The following TMEM74 variants were observed in gnomAD, a reference collection of about 807,000 sequenced individuals.
TMEM74 encodes the protein transmembrane protein 74.
TMEM74 carries 13 observed loss-of-function variants against 18.1 expected under a neutral mutation model. The ratio of observed to expected loss-of-function variants is 0.72; its 90% confidence interval spans 0.47 to 1.14. TMEM74 has a LOEUF of 1.14. Among genes scored for constraint, TMEM74 ranks in the 50% most tolerant of loss-of-function variants. The probability of loss-of-function intolerance (pLI) is 0.00; values close to 1 mark genes in which losing one functional copy is unlikely to be tolerated. For synonymous variants in TMEM74, 159 were observed against 146.6 expected, an observed-to-expected ratio of 1.08 and a Z score of -0.61; for missense variants, 372 against 375.9, an observed-to-expected ratio of 0.99 and a Z score of 0.09.
At chr8:108,666,360 G>C (rs1160212346) in intron 1 of TMEM74, among the ~76,000 whole-genome samples, 1 of 152,120 alleles carries the variant, frequency 6.6e-6, no homozygotes, top group African/African-American at 2.4e-5. Flanking sequence ...TGCACGTGTT[G>C]GCAATAATTC....
chr8:108,714,860 A>T (rs1015877446), intron 1 of TMEM74, among the ~76,000 whole-genome samples: 12 of 152,178 alleles, frequency 7.9e-5, no homozygotes, highest in Non-Finnish European at 1.5e-4. Context: ...AAAGATCAAA[A>T]TCATGTCCTT....
chr8:108,718,954 A>G (rs1219002316), intron 1 of TMEM74, among the ~76,000 whole-genome samples: 1 of 121,378 alleles, frequency 8.2e-6, no homozygotes, highest in African/African-American at 3.2e-5. Flanking sequence ...TAGCTAGTTA[A>G]TAACATTTTG....
intron 1 of TMEM74, among the ~76,000 whole-genome samples, chr8:108,670,922 A>G (rs1333928641): frequency 6.6e-6 from 1 of 152,208 alleles, no homozygotes; most frequent in Non-Finnish European, 1.5e-5. Context: ...TCCAAGAATG[A>G]CCAATTGTGC....
At chr8:108,720,462 G>A (rs958686879) in intron 1 of TMEM74, among the ~76,000 whole-genome samples, 4 of 152,122 alleles carry the variant, frequency 2.6e-5, no homozygotes, top group Admixed American at 2.0e-4. Flanking sequence ...GTTATTCACT[G>A]GCGTGCCTTT....
chr8:108,733,029 C>T (rs1333281556), intron 1 of TMEM74, among the ~76,000 whole-genome samples: 1 of 152,112 alleles, frequency 6.6e-6, no homozygotes, highest in Non-Finnish European at 1.5e-5. Flanking sequence ...TGTGGAGCAT[C>T]TGGAACTTCC....
chr8:108,665,608 A>G (rs1026046021), intron 1 of TMEM74, among the ~76,000 whole-genome samples: 1 of 152,202 alleles, frequency 6.6e-6, no homozygotes, highest in African/African-American at 2.4e-5. Flanking sequence ...AAAGAATGGT[A>G]AATGGAGATG....
intron 1 of TMEM74, among the ~76,000 whole-genome samples, chr8:108,746,353 G>A (rs1382284314): frequency 2.6e-5 from 4 of 151,976 alleles, no homozygotes; most frequent in East Asian, 1.9e-4. Flanking sequence ...CCTAGGCAAT[G>A]CAGACACCCC....
chr8:108,686,896 A>G (rs551942322), intron 1 of TMEM74, among the ~76,000 whole-genome samples: 4 of 152,330 alleles, frequency 2.6e-5, no homozygotes, highest in Non-Finnish European at 5.9e-5. Flanking sequence ...CACTCCCATA[A>G]GGAAGTTGTT....
At chr8:108,638,087 A>C (rs1238009196) in intron 2 of TMEM74, among the ~76,000 whole-genome samples, 1 of 152,146 alleles carries the variant, frequency 6.6e-6, no homozygotes, top group Admixed American at 6.6e-5. Flanking sequence ...TTCACATTTC[A>C]TACTTGGGTG....
intron 1 of TMEM74, among the ~76,000 whole-genome samples, chr8:108,756,599 A>AAAGAAAGAGAAAGGGAGG (rs1586286218): frequency 4.1e-4 from 21 of 51,544 alleles, no homozygotes; most frequent in East Asian, 1.2e-3. Flanking sequence ...AAAGAAAGAG[A>AAAGAAAGAGAAAGGGAGG]AAGGAAGGAA....
intron 1 of TMEM74, among the ~76,000 whole-genome samples, chr8:108,737,275 T>C (rs975692401): frequency 6.6e-6 from 1 of 152,180 alleles, no homozygotes; most frequent in Non-Finnish European, 1.5e-5. Context: ...GGACGTAATA[T>C]GTATAAAGTG....
rs1359403395 is a variant in TMEM74, at chr8:108,780,543, G to T, written c.*3638C>A. Among the ~76,000 whole-genome samples, 1 of 152,188 alleles carries T rather than the reference G, an allele frequency of 6.6e-6. No individual in the cohort carries two copies. Among genetic ancestry groups the T allele is most frequent in the East Asian group, 1.9e-4 (1 of 5,194 alleles). On this transcript the variant is annotated 3_prime_UTR_variant, in exon 2 of 2. Transcript: ENST00000297459. ...CTGAGGTAAAGGCACACATAAGTTTGGCAGCGCAGTCTCTTTTCAGAAATT... is the reference window on the plus strand; with the variant it reads ...CTGAGGTAAAGGCACACATAAGTTTTGCAGCGCAGTCTCTTTTCAGAAATT...
intron 1 of TMEM74, among the ~76,000 whole-genome samples, chr8:108,726,600 A>T (rs761182547): frequency 6.6e-6 from 1 of 152,168 alleles, no homozygotes; most frequent in Non-Finnish European, 1.5e-5. Context: ...CACGAATCTT[A>T]TCAGTATATT....
chr8:108,641,196 G>A (rs1812662051), intron 2 of TMEM74, among the ~76,000 whole-genome samples: 1 of 152,106 alleles, frequency 6.6e-6, no homozygotes, highest in Non-Finnish European at 1.5e-5. Context: ...TTTGAAGTTG[G>A]CAGGTAGATT....
chr8:108,753,029 A>G (rs1194261513), intron 1 of TMEM74, among the ~76,000 whole-genome samples: 1 of 152,134 alleles, frequency 6.6e-6, no homozygotes, highest in Non-Finnish European at 1.5e-5. Context: ...TCTCTCTTCA[A>G]TTCCTCATAT....
intron 1 of TMEM74, among the ~76,000 whole-genome samples, chr8:108,668,640 G>T (rs1254855774): frequency 6.6e-6 from 1 of 152,128 alleles, no homozygotes; most frequent in Non-Finnish European, 1.5e-5. Context: ...CACACCCAAG[G>T]TAGAAGCAAG....
At chr8:108,743,118 T>C (rs1586280952) in intron 1 of TMEM74, among the ~76,000 whole-genome samples, 1 of 152,198 alleles carries the variant, frequency 6.6e-6, no homozygotes. Flanking sequence ...AAATGTTAAA[T>C]GATCTATGTC....
chr8:108,656,049 G>A (rs1812818400), intron 1 of TMEM74, among the ~76,000 whole-genome samples: 1 of 152,112 alleles, frequency 6.6e-6, no homozygotes, highest in Non-Finnish European at 1.5e-5. Flanking sequence ...GGCCAGAAGT[G>A]CTCTTATTCC....
chr8:108,779,555 G>C lies in TMEM74; in HGVS notation c.*4626C>G, dbSNP rs1193884662. Among the ~76,000 whole-genome samples, 1 of 152,156 alleles carries C rather than the reference G, an allele frequency of 6.6e-6. No homozygotes were observed. Reference sequence around the variant, plus strand: ...AAAACAAATTAATAAATATTTGTGGGAGGCTGAACAACCAAAACAGGTTTA... The same window carrying C: ...AAAACAAATTAATAAATATTTGTGGCAGGCTGAACAACCAAAACAGGTTTA... On this transcript the variant is annotated 3_prime_UTR_variant, in exon 2 of 2. Coordinates refer to ENST00000297459, the MANE Select transcript of TMEM74 (RefSeq NM_153015.3).
Sources: allele counts gnomAD v4.1 joint callset (sites outside exome capture counted in the v4.1 genomes callset), GRCh38; gene constraint gnomAD v4.1.1; transcripts MANE v1.5; gene names NCBI Gene and HGNC (gene_info 2026-07-23, HGNC 2026-07-21).